Variants in TRAPPC9 observed in about 807,000 individuals in gnomAD.
The protein encoded by TRAPPC9 is trafficking protein particle complex subunit 9.
A neutral mutation model predicts 124.0 loss-of-function variants in TRAPPC9; 83 were observed. The ratio of observed to expected loss-of-function variants is 0.67; its 90% CI spans 0.56 to 0.80. The LOEUF is 0.80. Ranked by LOEUF, TRAPPC9 falls within the 30% of genes least tolerant of loss-of-function variation. The pLI is 0.00. For synonymous variants in TRAPPC9, 638 were observed against 617.5 expected, an observed-to-expected ratio of 1.03 and a Z score of -0.49; for missense variants, 1,302 against 1,508.3, an observed-to-expected ratio of 0.86 and a Z score of 2.27.
chr8:140,178,521 T>C (rs997254185), intron 17 of TRAPPC9, among the ~76,000 whole-genome samples: 2 of 152,112 alleles, frequency 1.3e-5, no homozygotes, highest in Non-Finnish European at 2.9e-5. Context: ...AAATATATCA[T>C]TGGATTCCAT....
intron 2 of TRAPPC9, among the ~76,000 whole-genome samples, chr8:140,440,972 CTTTTTTTTT>C (rs60379205): frequency 3.7e-5 from 3 of 80,302 alleles, no homozygotes; most frequent in South Asian, 4.6e-4. Flanking sequence ...AACACTGTTA[CTTTTTTTTT>C]TTTTTTTTTT....
At chr8:140,429,002 A>C (rs1400524571) in intron 4 of TRAPPC9, among the ~76,000 whole-genome samples, 4 of 151,780 alleles carry the variant, frequency 2.6e-5, no homozygotes, top group Non-Finnish European at 4.4e-5. Context: ...ATATGCTGAT[A>C]CCTCTAAACC....
intron 21 of TRAPPC9, among the ~76,000 whole-genome samples, chr8:139,737,649 G>A (rs931703330): frequency 2.0e-5 from 3 of 152,224 alleles, no homozygotes; most frequent in Admixed American, 6.5e-5. Flanking sequence ...GGGATGGGGC[G>A]GGATTTGCAC....
At chr8:139,931,754 A>G (rs1173677461) in intron 19 of TRAPPC9, 1 of 164,070 alleles carries the variant, frequency 6.1e-6, no homozygotes. Flanking sequence ...GGCTCTGACC[A>G]TCATATCTCA....
intron 21 of TRAPPC9, among the ~76,000 whole-genome samples, chr8:139,740,643 G>A (rs117451145): frequency 5.3e-5 from 8 of 152,366 alleles, no homozygotes; most frequent in Non-Finnish European, 1.2e-4. Context: ...AAGCAGGTCC[G>A]GGAGCCCTGT....
intron 21 of TRAPPC9, among the ~76,000 whole-genome samples, chr8:139,868,306 A>G (rs10481410): frequency 0.1 from 15,903 of 152,222 alleles, 1,943 homozygotes; most frequent in African/African-American, 0.3. Context: ...CAGTGAGCCA[A>G]GATTGCGCCA....
chr8:139,836,498 G>A (rs1409776570), intron 21 of TRAPPC9, among the ~76,000 whole-genome samples: 11 of 152,232 alleles, frequency 7.2e-5, no homozygotes, highest in Non-Finnish European at 4.4e-5. Flanking sequence ...CTCAAGGTTC[G>A]GGAGGGAGGT....
At chr8:140,057,522 C>G (rs1300703905) in intron 17 of TRAPPC9, among the ~76,000 whole-genome samples, 1 of 152,088 alleles carries the variant, frequency 6.6e-6, no homozygotes, top group Non-Finnish European at 1.5e-5. Flanking sequence ...AAGAAGAAAC[C>G]CTGCCACATG....
chr8:140,191,135 G>C (rs1289498177), intron 17 of TRAPPC9, among the ~76,000 whole-genome samples: 3 of 152,170 alleles, frequency 2.0e-5, no homozygotes, highest in African/African-American at 7.2e-5. Context: ...TGATCACTAA[G>C]ACAGACAGGA....
intron 21 of TRAPPC9, among the ~76,000 whole-genome samples, chr8:139,734,336 G>A (rs765512206): frequency 2.6e-5 from 4 of 152,242 alleles, no homozygotes; most frequent in Non-Finnish European, 5.9e-5. Flanking sequence ...AAGTCAGTGC[G>A]TGGCTTATGA....
chr8:139,957,563 G>T (rs183040787), intron 19 of TRAPPC9, among the ~76,000 whole-genome samples: 8 of 152,150 alleles, frequency 5.3e-5, no homozygotes, highest in Non-Finnish European at 8.8e-5. Context: ...GCCTTCTGGC[G>T]CCTGGCACGT....
intron 19 of TRAPPC9, chr8:139,933,211 C>T (rs1457789937): frequency 1.3e-5 from 2 of 152,588 alleles, no homozygotes; most frequent in Admixed American, 1.3e-4. Context: ...CTGTGCCTAC[C>T]TGCTCCATCT....
intron 4 of TRAPPC9, among the ~76,000 whole-genome samples, chr8:140,431,468 AC>A (rs372840610): frequency 3.6e-4 from 55 of 152,086 alleles, no homozygotes; most frequent in African/African-American, 1.3e-3. Context: ...AAAAATAAAA[AC>A]TACTGACCCA....
At chr8:140,072,535 G>A (rs1264158074) in intron 17 of TRAPPC9, among the ~76,000 whole-genome samples, 1 of 122,958 alleles carries the variant, frequency 8.1e-6, no homozygotes, top group Non-Finnish European at 1.7e-5. Flanking sequence ...AAAGGAGGAG[G>A]AGGAGGAGGA....
chr8:140,358,516 G>A lies in TRAPPC9; in HGVS notation c.1495+1534C>T, dbSNP rs2067824919. Among the ~76,000 whole-genome samples the A allele has an allele frequency of 2.0e-5, 3 of 152,206 alleles. No homozygotes were observed. In the South Asian group the frequency reaches 6.2e-4, roughly 31 times the overall value. ...GCTACCACATCCGGCCAGAATTAGT[G>A]CATTTAAACCTCACAACCACCCTCA... On this transcript the variant is annotated intron_variant, in intron 9 of 22. Coordinates refer to ENST00000438773, the MANE Select transcript of TRAPPC9 (RefSeq NM_001160372.4).
At chr8:139,935,292 T>A (rs1833442122) in intron 19 of TRAPPC9, among the ~76,000 whole-genome samples, 1 of 152,234 alleles carries the variant, frequency 6.6e-6, no homozygotes, top group Non-Finnish European at 1.5e-5. Flanking sequence ...CTTTTGTGTT[T>A]GGGAGCTCTC....
At chr8:139,774,238 C>T (rs547500389) in intron 21 of TRAPPC9, among the ~76,000 whole-genome samples, 1 of 152,280 alleles carries the variant, frequency 6.6e-6, no homozygotes, top group Non-Finnish European at 1.5e-5. Context: ...ACAGGCCACT[C>T]GGGCTGCCCT....
intron 21 of TRAPPC9, among the ~76,000 whole-genome samples, chr8:139,772,850 A>G (rs1821074049): frequency 6.6e-6 from 1 of 152,206 alleles, no homozygotes; most frequent in Non-Finnish European, 1.5e-5. Flanking sequence ...TAAAACAGAC[A>G]CACACAGAGG....
At chr8:140,233,114 A>G (rs963498666) in intron 16 of TRAPPC9, among the ~76,000 whole-genome samples, 2 of 152,222 alleles carry the variant, frequency 1.3e-5, no homozygotes, top group Admixed American at 6.5e-5. Context: ...ATTGATTTTT[A>G]AAAGTCTCCA....
Sources: gnomAD v4.1 joint callset for allele counts (sites outside exome capture counted in the v4.1 genomes callset) on GRCh38, gnomAD v4.1.1 for gene constraint, MANE v1.5 for transcripts, NCBI Gene and HGNC (gene_info 2026-07-23, HGNC 2026-07-21) for gene names.